The following GMEB1 variants were observed in gnomAD, a reference collection of about 807,000 sequenced individuals.
The protein encoded by GMEB1 is glucocorticoid modulatory element-binding protein 1.
In GMEB1, 6 loss-of-function variants were observed where a neutral mutation model predicts 52.4. The ratio of observed to expected loss-of-function variants is 0.11; its 90% CI spans 0.06 to 0.23. The LOEUF is 0.23. GMEB1 is among the 10% of genes least tolerant of loss of function. GMEB1 has a pLI of 1.00. For missense variants in GMEB1, 486 were observed against 685.6 expected, an observed-to-expected ratio of 0.71 and a Z score of 3.25; for synonymous variants, 255 against 244.9, an observed-to-expected ratio of 1.04 and a Z score of -0.38.
intron 1 of GMEB1, among the ~76,000 whole-genome samples, chr1:28,669,971 A>G (rs1248052260): frequency 6.6e-6 from 1 of 152,172 alleles, no homozygotes; most frequent in Non-Finnish European, 1.5e-5. Context: ...GATTCTCTCA[A>G]GATGAGAGAA....
At chr1:28,677,106 A>G (rs576912443) in intron 1 of GMEB1, among the ~76,000 whole-genome samples, 1 of 151,678 alleles carries the variant, frequency 6.6e-6, no homozygotes, top group East Asian at 1.9e-4. Context: ...TATGTGAAAC[A>G]TAATCGAATT....
At chr1:28,680,178 C>T (rs920903578) in intron 1 of GMEB1, among the ~76,000 whole-genome samples, 5 of 151,844 alleles carry the variant, frequency 3.3e-5, no homozygotes, top group Admixed American at 6.6e-5. Flanking sequence ...GCCAGGAGTT[C>T]AAGACCAGCC....
intron 2 of GMEB1, among the ~76,000 whole-genome samples, chr1:28,688,591 TC>T (rs1669803137): frequency 6.6e-6 from 1 of 152,138 alleles, no homozygotes; most frequent in Non-Finnish European, 1.5e-5. Flanking sequence ...CTCTAGTCAC[TC>T]CTAGTTACTT....
At chr1:28,685,760 AC>A (rs1399644203) in intron 2 of GMEB1, among the ~76,000 whole-genome samples, 2 of 152,120 alleles carry the variant, frequency 1.3e-5, no homozygotes, top group Non-Finnish European at 2.9e-5. Context: ...GGAGTTCGAG[AC>A]CAGCATGACC....
intron 6 of GMEB1, 95 bp downstream of exon 6, chr1:28,697,179 A>ATATG: frequency 5.7e-6 from 1 of 175,388 alleles, no homozygotes; most frequent in Non-Finnish European, 1.2e-5. Context: ...ATATATATAT[A>ATATG]TATATATATA....
At position 28,687,372 on chromosome 1, in the gene GMEB1, ACACAC is replaced by A. The variant is rs1315934945; in HGVS notation, c.129-2731_129-2727del. On this transcript the variant is annotated intron_variant, in intron 2 of 9. Coordinates refer to ENST00000373816, the MANE Select transcript of GMEB1 (RefSeq NM_001319674.2). The stretch of plus-strand genomic sequence containing the variant: ...CACACACACACACACACACACACAC[ACACAC>A]ACACACACACAAAAAAAGACAGTGG... Among the ~76,000 whole-genome samples the A allele has an allele frequency of 4.0e-3, 404 of 101,004 alleles. 34 individuals are homozygous for A. Among genetic ancestry groups the A allele is most frequent in the Middle Eastern group, 8.5e-3 (2 of 234 alleles). 66.3% of individuals were successfully genotyped at this position (101,004 alleles called of 152,430 possible).
chr1:28,687,340 A>T (rs1348108091), intron 2 of GMEB1, among the ~76,000 whole-genome samples: 27 of 30,322 alleles, frequency 8.9e-4, no homozygotes, highest in African/African-American at 3.4e-3. Flanking sequence ...TATCTCACAC[A>T]CACACACACA....
At chr1:28,671,442 C>T (rs933851656) in intron 1 of GMEB1, among the ~76,000 whole-genome samples, 13 of 152,226 alleles carry the variant, frequency 8.5e-5, no homozygotes, top group African/African-American at 2.9e-4. Context: ...CTGGCGGGCG[C>T]TGTGATTTAT....
intron 3 of GMEB1, among the ~76,000 whole-genome samples, chr1:28,691,015 G>A (rs1225793247): frequency 1.3e-5 from 2 of 151,562 alleles, no homozygotes; most frequent in East Asian, 1.9e-4. Context: ...CCTACACCAG[G>A]CGAGGTGACT....
rs781612008 is a variant in GMEB1 at position 28,702,608 on chromosome 1, G to A, written c.730+39G>A. The A allele has an allele frequency of 1.9e-5, 30 of 1,591,618 alleles. No individual in the cohort carries two copies. In the African/African-American group the frequency reaches 2.2e-4, roughly 11 times the overall value. ...GGGCTCAGATGTCTTGCAGGGTCTTGTGAGCCTTATCACCATTATCATTAT... is the reference window on the plus strand; with the variant it reads ...GGGCTCAGATGTCTTGCAGGGTCTTATGAGCCTTATCACCATTATCATTAT... On this transcript the variant is annotated intron_variant, in intron 7 of 9. Coordinates refer to ENST00000373816, the MANE Select transcript of GMEB1 (RefSeq NM_001319674.2).
intron 3 of GMEB1, among the ~76,000 whole-genome samples, chr1:28,690,989 T>C (rs548202472): frequency 7.0e-6 from 1 of 143,250 alleles, no homozygotes; most frequent in Admixed American, 7.1e-5. Flanking sequence ...CTAAAAAAAA[T>C]AAATAAATAA....
chr1:28,705,117 G>A (rs1171857143), intron 8 of GMEB1, among the ~76,000 whole-genome samples: 10 of 150,534 alleles, frequency 6.6e-5, no homozygotes, highest in Non-Finnish European at 1.5e-5. Flanking sequence ...GGCCAGGTGC[G>A]GTAGCTCACG....
At chr1:28,713,444 A>G (rs1671154153) in intron 9 of GMEB1, among the ~76,000 whole-genome samples, 1 of 152,212 alleles carries the variant, frequency 6.6e-6, no homozygotes, top group South Asian at 2.1e-4. Context: ...AAAAGCAACC[A>G]AGTTGACCAT....
intron 4 of GMEB1, among the ~76,000 whole-genome samples, chr1:28,692,192 G>T (rs569935435): frequency 1.3e-5 from 2 of 151,200 alleles, no homozygotes; most frequent in African/African-American, 4.9e-5. Context: ...TTGTAGAGAT[G>T]GGGGGTTTTG....
At chr1:28,689,935 C>T (rs1012140483) in intron 2 of GMEB1, 169 bp from the exon 3 acceptor site, 6 of 506,652 alleles carry the variant, frequency 1.2e-5, no homozygotes, top group Non-Finnish European at 2.1e-5. Context: ...GCTAAGCAAT[C>T]CTGGGAGGTT....
In GMEB1 at chr1:28,714,788, G is replaced by T; in HGVS notation, c.*15G>T. 1 of 1,523,392 alleles carries T rather than the reference G, an allele frequency of 6.6e-7. No individual in the cohort carries two copies. The highest frequency in any genetic ancestry group is 9.1e-7 in the Non-Finnish European group (1 of 1,104,054). 94.4% of individuals were successfully genotyped at this position (1,523,392 alleles called of 1,614,324 possible). A position where few individuals can be genotyped will look rare whatever the true frequency, so the allele number is the denominator to read the frequency against. ...TAGAGGATTAACTGGGGATCTCAGG[G>T]CCAGGAGTTATGTTTTGATTTGGAA... On this transcript the variant is annotated 3_prime_UTR_variant, in exon 10 of 10. Transcript: ENST00000373816.
chr1:28,690,542 G>T (rs1338348074), intron 3 of GMEB1, among the ~76,000 whole-genome samples: 1 of 152,104 alleles, frequency 6.6e-6, no homozygotes, highest in Non-Finnish European at 1.5e-5. Context: ...TCAGTGGAAA[G>T]AAACTGGAAA....
At chr1:28,695,938 C>CAA (rs58978972) in intron 5 of GMEB1, among the ~76,000 whole-genome samples, 514 of 41,062 alleles carry the variant, frequency 0.013, 116 homozygotes, top group East Asian at 0.018. Flanking sequence ...GACTCCGTCT[C>CAA]AAAAAAAAAA....
rs1238017717 is a variant in GMEB1, at chr1:28,715,742, G to A, written c.*969G>A. The A allele has an allele frequency of 1.3e-5, 2 of 152,064 alleles. No homozygotes were observed. The highest frequency in any genetic ancestry group is 3.9e-4 in the East Asian group (2 of 5,174). The allele number at this position is 152,064 out of a possible 1,614,324, so 9.4% of individuals were successfully genotyped here. On this transcript the variant is annotated 3_prime_UTR_variant, in exon 10 of 10. Transcript: ENST00000373816. ...CATTTTGAGAAGAAGGTGGTAATAA[G>A]TGGAAGGTACATCTCCACAGAGCAA...
Sources: allele counts gnomAD v4.1 joint callset (sites outside exome capture counted in the v4.1 genomes callset), GRCh38; gene constraint gnomAD v4.1.1; transcripts MANE v1.5; gene names NCBI Gene and HGNC (gene_info 2026-07-23, HGNC 2026-07-21).